NKAIN3: variants seen among roughly 807,000 people sequenced by gnomAD.
NKAIN3 encodes sodium/potassium transporting ATPase interacting 3.
NKAIN3 carries 25 observed loss-of-function variants against 30.2 expected under a neutral mutation model. The observed-to-expected ratio is 0.83, with a 90% confidence interval of 0.60 to 1.16. NKAIN3 has a LOEUF of 1.16. NKAIN3 is among the 50% of genes most tolerant of loss of function. The pLI, the probability that NKAIN3 is intolerant of heterozygous loss-of-function variation, is 0.00. For synonymous variants in NKAIN3, 91 were observed against 89.6 expected (o/e 1.02, Z -0.09); for missense variants, 225 against 254.1 (o/e 0.89, Z 0.78).
At chr8:62,814,309 T>G (rs1818596753) in intron 4 of NKAIN3, among the ~76,000 whole-genome samples, 1 of 144,634 alleles carries the variant, frequency 6.9e-6, no homozygotes, top group Non-Finnish European at 1.5e-5. Context: ...TCTGTATGTC[T>G]CATAGGCTTT....
chr8:62,915,406 G>A (rs1018098373), intron 4 of NKAIN3, among the ~76,000 whole-genome samples: 1 of 152,114 alleles, frequency 6.6e-6, no homozygotes, highest in African/African-American at 2.4e-5. Context: ...GACAGAATCA[G>A]TAGCTAAGGA....
chr8:62,614,516 GT>G (rs1406679139), intron 3 of NKAIN3, among the ~76,000 whole-genome samples: 3 of 152,062 alleles, frequency 2.0e-5, no homozygotes, highest in African/African-American at 7.2e-5. Flanking sequence ...TACTGCCTAT[GT>G]TTACTTAAGG....
At chr8:62,354,774 C>G (rs1816293399) in intron 1 of NKAIN3, among the ~76,000 whole-genome samples, 1 of 152,104 alleles carries the variant, frequency 6.6e-6, no homozygotes, top group Admixed American at 6.6e-5. Flanking sequence ...TGACAATAAC[C>G]AATGTATCAG....
chr8:62,430,340 C>G (rs1030795276), intron 1 of NKAIN3, among the ~76,000 whole-genome samples: 28 of 149,348 alleles, frequency 1.9e-4, no homozygotes, highest in Non-Finnish European at 4.2e-4. Flanking sequence ...TATATATACT[C>G]TCTGAGATAC....
chr8:62,723,419 A>G (rs1815158282), intron 3 of NKAIN3, among the ~76,000 whole-genome samples: 2 of 152,186 alleles, frequency 1.3e-5, no homozygotes. Flanking sequence ...TAGTACCAGC[A>G]TGAATCACAA....
At chr8:62,874,659 A>T (rs919088081) in intron 4 of NKAIN3, among the ~76,000 whole-genome samples, 1 of 152,348 alleles carries the variant, frequency 6.6e-6, no homozygotes, top group South Asian at 2.1e-4. Flanking sequence ...AGGCTGGTTC[A>T]ACATATGCAA....
chr8:62,330,692 A>G (rs1209337651), intron 1 of NKAIN3, among the ~76,000 whole-genome samples: 1 of 151,828 alleles, frequency 6.6e-6, no homozygotes, highest in Non-Finnish European at 1.5e-5. Context: ...TTACATATCT[A>G]ATGCCCAAGA....
intron 1 of NKAIN3, among the ~76,000 whole-genome samples, chr8:62,434,529 A>G (rs996915775): frequency 3.3e-5 from 5 of 152,156 alleles, no homozygotes; most frequent in Non-Finnish European, 5.9e-5. Flanking sequence ...AAGGAACCCA[A>G]TAATGTATGA....
chr8:62,864,993 C>A (rs1374814723), intron 4 of NKAIN3, among the ~76,000 whole-genome samples: 5 of 152,186 alleles, frequency 3.3e-5, no homozygotes, highest in African/African-American at 1.2e-4. Context: ...CTGGGGAAGA[C>A]TATTCCAGAG....
At position 62,308,432 on chromosome 8, in the gene NKAIN3, A is replaced by T. The variant is rs7819642; in HGVS notation, c.54+59305A>T. Among the ~76,000 whole-genome samples, 441 of 150,622 alleles carry T rather than the reference A, an allele frequency of 2.9e-3. 34 individuals are homozygous for T. The highest frequency in any genetic ancestry group is 0.01 in the African/African-American group (411 of 40,028). On this transcript the variant is annotated intron_variant, in intron 1 of 6. Coordinates refer to ENST00000623646, the MANE Select transcript of NKAIN3 (RefSeq NM_001304533.3). Reference sequence around the variant, plus strand: ...AATTCAATTTAAGGAATTGAAACTTAATTTGTGTGGTGATGTGAGGACTTT... The same window carrying T: ...AATTCAATTTAAGGAATTGAAACTTTATTTGTGTGGTGATGTGAGGACTTT...
chr8:62,450,165 T>C (rs1237550531), intron 1 of NKAIN3, among the ~76,000 whole-genome samples: 7 of 152,190 alleles, frequency 4.6e-5, no homozygotes, highest in African/African-American at 7.2e-5. Context: ...TTGACAAGGA[T>C]GTCTGGATTA....
At chr8:62,672,948 C>A (rs971903232) in intron 3 of NKAIN3, among the ~76,000 whole-genome samples, 1 of 152,160 alleles carries the variant, frequency 6.6e-6, no homozygotes, top group African/African-American at 2.4e-5. Flanking sequence ...GGAAGTAATA[C>A]CTGTTGGGTA....
intron 1 of NKAIN3, among the ~76,000 whole-genome samples, chr8:62,362,734 C>T (rs1351633301): frequency 1.3e-5 from 2 of 152,212 alleles, no homozygotes; most frequent in East Asian, 3.8e-4. Flanking sequence ...ATTCAAAAAT[C>T]AGGCAGCCCC....
intron 3 of NKAIN3, among the ~76,000 whole-genome samples, chr8:62,675,385 A>G (rs1813442624): frequency 6.6e-6 from 1 of 152,210 alleles, no homozygotes; most frequent in Non-Finnish European, 1.5e-5. Context: ...TGCAAATCAA[A>G]GTTAATGCTT....
chr8:62,753,885 A>G (rs973045201), intron 4 of NKAIN3, among the ~76,000 whole-genome samples: 9 of 152,142 alleles, frequency 5.9e-5, no homozygotes, highest in South Asian at 2.1e-4. Flanking sequence ...GACATGGTAT[A>G]ACAATTTATA....
At chr8:62,961,349 G>A (rs964981522) in intron 6 of NKAIN3, among the ~76,000 whole-genome samples, 1 of 151,912 alleles carries the variant, frequency 6.6e-6, no homozygotes, top group African/African-American at 2.4e-5. Context: ...GAAGTGCACA[G>A]CACCACCTAT....
At chr8:62,337,687 C>T (rs1435341897) in intron 1 of NKAIN3, among the ~76,000 whole-genome samples, 3 of 152,008 alleles carry the variant, frequency 2.0e-5, no homozygotes, top group Non-Finnish European at 2.9e-5. Context: ...CCAACTCACA[C>T]ATGAACTTTC....
At chr8:62,347,861 A>C (rs1346235545) in intron 1 of NKAIN3, among the ~76,000 whole-genome samples, 1 of 152,116 alleles carries the variant, frequency 6.6e-6, no homozygotes, top group Non-Finnish European at 1.5e-5. Flanking sequence ...TATCCTAGCC[A>C]AAGAATACAC....
intron 1 of NKAIN3, among the ~76,000 whole-genome samples, chr8:62,501,595 G>A (rs973934194): frequency 6.6e-6 from 1 of 151,624 alleles, no homozygotes; most frequent in Non-Finnish European, 1.5e-5. Context: ...CATCCTCTGT[G>A]TCTAGGCATT....
Sources: gnomAD v4.1 joint callset for allele counts (sites outside exome capture counted in the v4.1 genomes callset) on GRCh38, gnomAD v4.1.1 for gene constraint, MANE v1.5 for transcripts, NCBI Gene and HGNC (gene_info 2026-07-23, HGNC 2026-07-21) for gene names.